The following RTKN2 variants were observed in gnomAD, a reference collection of about 807,000 sequenced individuals.
The protein encoded by RTKN2 is rhotekin 2.
RTKN2 carries 69 observed loss-of-function variants against 71.5 expected under a neutral mutation model. That is an observed-to-expected ratio of 0.96 (90% CI 0.79 to 1.18). The LOEUF (loss-of-function observed/expected upper bound fraction) is 1.18, where lower values mean the gene tolerates loss of function less well. Ranked by LOEUF, RTKN2 falls within the 50% of genes most tolerant of loss-of-function variation. The pLI, the probability that RTKN2 is intolerant of heterozygous loss-of-function variation, is 0.00. For synonymous variants in RTKN2, 236 were observed against 236.5 expected (o/e 1.00, Z 0.02); for missense variants, 724 against 719.7 (o/e 1.01, Z -0.07).
In RTKN2 at chr10:62,198,445, TATA is replaced by T. The variant is rs1294994827; in HGVS notation, c.1295-5_1295-3del. 1 of 1,443,132 alleles carries T rather than the reference TATA, an allele frequency of 6.9e-7. No homozygotes were observed. Among genetic ancestry groups the T allele is most frequent in the East Asian group, 2.3e-5 (1 of 43,512 alleles). 89.4% of individuals were successfully genotyped at this position (1,443,132 alleles called of 1,614,324 possible). ...CAAGTTTCATAGGTGAATCAATGCC[TATA>T]ATAATTTTAAGAAAAAAAAACATGA... On this transcript the variant is annotated splice_region_variant and splice_polypyrimidine_tract_variant and intron_variant, in intron 11 of 11. Coordinates refer to ENST00000373789, the MANE Select transcript of RTKN2 (RefSeq NM_145307.4).
intron 2 of RTKN2, among the ~76,000 whole-genome samples, chr10:62,258,533 C>T (rs1019815969): frequency 6.6e-6 from 1 of 152,110 alleles, no homozygotes; most frequent in Admixed American, 6.6e-5. Flanking sequence ...TCCCTAAAAA[C>T]TGGTTATTTC....
At chr10:62,245,142 GCCATTGTCTTT>G (rs1842453389) in intron 3 of RTKN2, among the ~76,000 whole-genome samples, 1 of 152,100 alleles carries the variant, frequency 6.6e-6, no homozygotes, top group Non-Finnish European at 1.5e-5. Context: ...GCATCTCCAA[GCCATTGTCTTT>G]AGCTTCCTGA....
At chr10:62,253,382 C>T (rs752327598) in intron 2 of RTKN2, among the ~76,000 whole-genome samples, 1 of 152,114 alleles carries the variant, frequency 6.6e-6, no homozygotes, top group Admixed American at 6.6e-5. Flanking sequence ...TGAAGACAAG[C>T]TTTAATAATA....
At chr10:62,266,717 A>G (rs766666928) in intron 1 of RTKN2, among the ~76,000 whole-genome samples, 9 of 152,390 alleles carry the variant, frequency 5.9e-5, no homozygotes, top group Non-Finnish European at 1.3e-4. Context: ...GATAATAACA[A>G]CAATAGTCAT....
rs1841290664 is a variant in RTKN2, at chr10:62,194,862, T to G, written c.*3046A>C. 7.1e-6 allele frequency: 7 copies of G among 984,888 alleles called. No individual in the cohort carries two copies. Among genetic ancestry groups the G allele is most frequent in the Non-Finnish European group, 8.4e-6 (7 of 829,566 alleles). The allele number at this position is 984,888 out of a possible 1,614,324, so 61.0% of individuals were successfully genotyped here. On this transcript the variant is annotated 3_prime_UTR_variant, in exon 12 of 12. Coordinates refer to ENST00000373789, the MANE Select transcript of RTKN2 (RefSeq NM_145307.4). Reference sequence around the variant, plus strand: ...GATCCCAAAGGGTAAAGATAAGGCATTTATAATAAATGGATTTAGTTTTCC... The same window carrying G: ...GATCCCAAAGGGTAAAGATAAGGCAGTTATAATAAATGGATTTAGTTTTCC...
At chr10:62,190,208 A>G (rs1217012985), downstream of RTKN2, among the ~76,000 whole-genome samples, 2 of 152,186 alleles carry the variant, frequency 1.3e-5, no homozygotes, top group Non-Finnish European at 2.9e-5. Context: ...TTATTGGGGA[A>G]AAAAGAGTTT....
intron 6 of RTKN2, 116 bp downstream of exon 6, chr10:62,235,950 G>T: frequency 1.3e-6 from 1 of 752,952 alleles, no homozygotes; most frequent in Non-Finnish European, 2.1e-6. Flanking sequence ...ACTAAGTTTT[G>T]TTTTTGTTTC....
downstream of RTKN2, among the ~76,000 whole-genome samples, chr10:62,188,272 G>A (rs1251159354): frequency 6.6e-6 from 1 of 152,076 alleles, no homozygotes; most frequent in Admixed American, 6.6e-5. Context: ...GGTTATTGGT[G>A]AGAGGCCTCA....
At position 62,235,000 on chromosome 10, in the gene RTKN2, A is replaced by T. The variant is rs183673334; in HGVS notation, c.686+1066T>A. On this transcript the variant is annotated intron_variant, in intron 6 of 11. Transcript: ENST00000373789. ...GAATCTAATCAGTCCTCTAGATCTA[A>T]CTGCGAGGTTATAGGAAATACAAGG... Among the ~76,000 whole-genome samples the T allele has an allele frequency of 1.2e-3, 183 of 152,186 alleles. 1 individual carries two copies. Among genetic ancestry groups the T allele is most frequent in the Non-Finnish European group, 2.1e-3 (143 of 67,976 alleles).
At chr10:62,237,658 T>G (rs940612436) in intron 5 of RTKN2, among the ~76,000 whole-genome samples, 8 of 151,868 alleles carry the variant, frequency 5.3e-5, no homozygotes, top group Non-Finnish European at 7.4e-5. Flanking sequence ...TTCTTCTTTA[T>G]AAAGAGTCAC....
chr10:62,195,513 G>A lies in RTKN2; in HGVS notation c.*2395C>T. The A allele has an allele frequency of 1.3e-6, 1 of 778,998 alleles. No individual in the cohort carries two copies. The highest frequency in any genetic ancestry group is 1.6e-6 in the Non-Finnish European group (1 of 641,930). The allele number at this position is 778,998 out of a possible 1,614,324, so 48.3% of individuals were successfully genotyped here. A position where few individuals can be genotyped will look rare whatever the true frequency, so the allele number is the denominator to read the frequency against. On this transcript the variant is annotated 3_prime_UTR_variant, in exon 12 of 12. Coordinates refer to ENST00000373789, the MANE Select transcript of RTKN2 (RefSeq NM_145307.4). ...CAGAAGGAAAGTGGGAAAAGGGGAT[G>A]AGACAGAGAGAGAGGACAGGGGGCC...
At position 62,267,545 on chromosome 10, in the gene RTKN2, A is replaced by G. The variant is rs1292983793; in HGVS notation, c.60+1006T>C. ...AATGCTGGCATAAAACAGCATAAGT[A>G]TTACTGATAAAGACACTGGACTTCT... On this transcript the variant is annotated intron_variant, in intron 1 of 11. Transcript: ENST00000373789. Among the ~76,000 whole-genome samples, 3 of 152,354 alleles carry G rather than the reference A, an allele frequency of 2.0e-5. No homozygotes were observed. The East Asian group carries it at 5.8e-4, about 29-fold the overall frequency.
At chr10:62,252,664 T>C (rs911955329) in intron 2 of RTKN2, among the ~76,000 whole-genome samples, 2 of 151,128 alleles carry the variant, frequency 1.3e-5, no homozygotes, top group Non-Finnish European at 3.0e-5. Context: ...TTGACATAGA[T>C]AGTAGCTGGA....
At chr10:62,207,255 G>T (rs1564502542) in intron 9 of RTKN2, among the ~76,000 whole-genome samples, 1 of 152,022 alleles carries the variant, frequency 6.6e-6, no homozygotes, top group East Asian at 1.9e-4. Flanking sequence ...CCTTCTAAGA[G>T]AATATAATGC....
Position 62,217,125 on chromosome 10 carries a change from A to C in RTKN2, c.1013T>G (p.Ile338Ser), listed in dbSNP as rs1223405145. 3.2e-6 allele frequency: 5 copies of C among 1,569,688 alleles called. No homozygotes were observed. Among genetic ancestry groups the C allele is most frequent in the Non-Finnish European group, 4.3e-6 (5 of 1,163,148 alleles). ...AKVEPALVVP[I>S]NKETRIRAMD... Reference sequence around the variant, plus strand: ...AAATAGCATTTCCTTTACCTTGTTAATGGGTACTACCAAAGCTGGTTCCAC... The same window carrying C: ...AAATAGCATTTCCTTTACCTTGTTACTGGGTACTACCAAAGCTGGTTCCAC... Residue 338 changes from isoleucine (I) to serine (S), a missense_variant, in exon 9 of 12, where the codon ATT becomes AGT. Ile to Ser is a moderately radical substitution (Grantham distance 142). Coordinates refer to ENST00000373789, the MANE Select transcript of RTKN2 (RefSeq NM_145307.4).
intron 2 of RTKN2, among the ~76,000 whole-genome samples, chr10:62,259,869 C>T (rs755027202): frequency 3.3e-5 from 5 of 152,098 alleles, no homozygotes; most frequent in African/African-American, 7.2e-5. Flanking sequence ...TAATTTTTCT[C>T]GGAATGCTGC....
Position 62,196,818 on chromosome 10 carries a change from T to G in RTKN2, c.*1090A>C. 1 of 976,920 alleles carries G rather than the reference T, an allele frequency of 1.0e-6. No individual in the cohort carries two copies. Among genetic ancestry groups the G allele is most frequent in the South Asian group, 4.7e-5 (1 of 21,102 alleles). 60.5% of individuals were successfully genotyped at this position (976,920 alleles called of 1,614,324 possible). On this transcript the variant is annotated 3_prime_UTR_variant, in exon 12 of 12. Coordinates refer to ENST00000373789, the MANE Select transcript of RTKN2 (RefSeq NM_145307.4). The stretch of plus-strand genomic sequence containing the variant: ...AAAAAGCATTATTATAAAAAATGGA[T>G]TTTTTGTTCCTTTAAGGTATTTTTC...
intron 8 of RTKN2, chr10:62,184,489 T>C (rs1038975449): frequency 1.6e-4 from 98 of 602,068 alleles, no homozygotes; most frequent in Non-Finnish European, 9.0e-5. Context: ...GTGGAAAAGA[T>C]TGCAAGTTTC....
chr10:62,268,161 A>T (rs959333865), intron 1 of RTKN2, among the ~76,000 whole-genome samples: 1 of 152,200 alleles, frequency 6.6e-6, no homozygotes, highest in Non-Finnish European at 1.5e-5. Context: ...CTTCCCATTA[A>T]ATCCGTAATA....
Sources: allele counts gnomAD v4.1 joint callset (sites outside exome capture counted in the v4.1 genomes callset), GRCh38; gene constraint gnomAD v4.1.1; transcripts MANE v1.5; gene names NCBI Gene and HGNC (gene_info 2026-07-23, HGNC 2026-07-21).